Variants in DMD observed in about 807,000 individuals in gnomAD.
DMD encodes dystrophin, also known as mutant dystrophin.
A neutral mutation model predicts 330.1 loss-of-function variants in DMD; 63 were observed. That is an observed-to-expected ratio of 0.19 (90% confidence interval 0.16 to 0.24). DMD has a LOEUF of 0.24. DMD is among the 10% of genes least tolerant of loss of function. The probability of loss-of-function intolerance (pLI) is 1.00; values close to 1 mark genes in which losing one functional copy is unlikely to be tolerated. For missense variants in DMD, 3,344 were observed against 2,684.1 expected, an observed-to-expected ratio of 1.25 and a Z score of -5.43; for synonymous variants, 1,223 against 959.8, an observed-to-expected ratio of 1.27 and a Z score of -5.07.
intron 63 of DMD, among the ~76,000 whole-genome samples, chrX:31,255,681 A>T (rs1384318936): frequency 9.0e-6 from 1 of 110,601 alleles, no homozygotes; most frequent in Non-Finnish European, 1.9e-5. Flanking sequence ...AAAAATAATG[A>T]TCACAGCAAG....
At chrX:31,886,927 A>T (rs1685722606) in intron 47 of DMD, among the ~76,000 whole-genome samples, 1 of 112,113 alleles carries the variant, frequency 8.9e-6, no homozygotes, top group Non-Finnish European at 1.9e-5. Context: ...AGGTTTATGT[A>T]TGTAGTGCCT....
chrX:32,469,702 C>T (rs2040419474), intron 22 of DMD, among the ~76,000 whole-genome samples: 1 of 111,117 alleles, frequency 9.0e-6, no homozygotes, highest in South Asian at 3.7e-4. Context: ...TGAGCATTTG[C>T]CCATGTCAAA....
At chrX:32,917,536 GC>G (rs2087943777) in intron 2 of DMD, among the ~76,000 whole-genome samples, 2 of 111,612 alleles carry the variant, frequency 1.8e-5, no homozygotes, top group Non-Finnish European at 3.8e-5. Context: ...CTAAGGCTAT[GC>G]TTTTTCAACT....
chrX:31,947,306 T>C (rs2095100572), intron 45 of DMD, among the ~76,000 whole-genome samples: 1 of 111,694 alleles, frequency 9.0e-6, no homozygotes, highest in Non-Finnish European at 1.9e-5. Flanking sequence ...TTTAATTTTA[T>C]GTAGAGATGG....
chrX:32,991,510 G>A (rs757608392), intron 2 of DMD, among the ~76,000 whole-genome samples: 2 of 112,006 alleles, frequency 1.8e-5, no homozygotes, highest in East Asian at 2.8e-4. Context: ...AATGTAGCTA[G>A]CAAAATGGAG....
At chrX:32,699,737 A>G (rs748199109) in intron 7 of DMD, among the ~76,000 whole-genome samples, 1 of 112,085 alleles carries the variant, frequency 8.9e-6, no homozygotes, top group South Asian at 3.7e-4. Flanking sequence ...GAAACCTGAT[A>G]CCTTTTAACT....
At chrX:31,561,620 T>A (rs1170750400) in intron 55 of DMD, among the ~76,000 whole-genome samples, 1 of 112,071 alleles carries the variant, frequency 8.9e-6, no homozygotes, top group Non-Finnish European at 1.9e-5. Flanking sequence ...CTAAATATAT[T>A]AAGGTAGGCA....
chrX:31,354,331 A>ATCCCTGAC (rs1273708300), intron 60 of DMD, among the ~76,000 whole-genome samples: 9 of 110,972 alleles, frequency 8.1e-5, no homozygotes, highest in Non-Finnish European at 1.9e-5. Flanking sequence ...CTTTTTCAAG[A>ATCCCTGAC]TCCCTGACAC....
intron 48 of DMD, among the ~76,000 whole-genome samples, chrX:31,871,644 G>GTGGC (rs1177295536): frequency 9.1e-6 from 1 of 109,774 alleles, no homozygotes; most frequent in African/African-American, 3.3e-5. Flanking sequence ...AGCTAGGGGC[G>GTGGC]TGGCTGTTCG....
chrX:32,995,785 T>TACCCCCAGAACAATGCTTG (rs1275342885), intron 2 of DMD, among the ~76,000 whole-genome samples: 1 of 111,873 alleles, frequency 8.9e-6, no homozygotes, highest in Non-Finnish European at 1.9e-5. Context: ...AGCATTTTAG[T>TACCCCCAGAACAATGCTTG]ACCCCCAGAA....
chrX:31,476,418 T>TACAC (rs1569545943), intron 59 of DMD, among the ~76,000 whole-genome samples: 1 of 96,544 alleles, frequency 1.0e-5, no homozygotes, highest in Non-Finnish European at 2.0e-5. Context: ...TATATATATA[T>TACAC]ATACACACAC....
At chrX:31,234,201 T>A (rs1377072395) in intron 63 of DMD, among the ~76,000 whole-genome samples, 1 of 111,991 alleles carries the variant, frequency 8.9e-6, no homozygotes, top group Non-Finnish European at 1.9e-5. Context: ...ACCACTCCCT[T>A]GTTCTCCCAA....
intron 48 of DMD, among the ~76,000 whole-genome samples, chrX:31,850,907 C>T (rs1388532333): frequency 1.8e-5 from 2 of 112,202 alleles, no homozygotes; most frequent in East Asian, 2.8e-4. Flanking sequence ...GTGCCCTGGT[C>T]GCATATATTG....
intron 49 of DMD, among the ~76,000 whole-genome samples, chrX:31,832,992 G>C (rs1293112438): frequency 9.0e-6 from 1 of 111,010 alleles, no homozygotes; most frequent in African/African-American, 3.3e-5. Context: ...TTCTTTTGTA[G>C]TTTATATTGT....
At chrX:33,076,667 C>G (rs891864396) in intron 1 of DMD, among the ~76,000 whole-genome samples, 1 of 111,890 alleles carries the variant, frequency 8.9e-6, no homozygotes, top group Non-Finnish European at 1.9e-5. Context: ...TTACTAGAAG[C>G]TAAGGCTTTT....
At chrX:31,155,830 T>C (rs1385765581) in intron 74 of DMD, among the ~76,000 whole-genome samples, 6 of 109,416 alleles carry the variant, frequency 5.5e-5, no homozygotes, top group Non-Finnish European at 1.1e-4. Context: ...TACAAAAAAA[T>C]TGAAAAAAAT....
chrX:32,831,518 C>T (rs1230617238), intron 4 of DMD, among the ~76,000 whole-genome samples: 1 of 110,124 alleles, frequency 9.1e-6, no homozygotes, highest in African/African-American at 3.3e-5. Context: ...GAATGAGGGG[C>T]ATGTAACTTG....
intron 41 of DMD, among the ~76,000 whole-genome samples, chrX:32,317,086 T>G (rs907960803): frequency 1.8e-5 from 2 of 111,393 alleles, no homozygotes; most frequent in Non-Finnish European, 3.8e-5. Flanking sequence ...CCGTCTAACC[T>G]TTTGAAAATC....
At chrX:32,619,363 T>A (rs1222399389) in intron 11 of DMD, among the ~76,000 whole-genome samples, 1 of 111,113 alleles carries the variant, frequency 9.0e-6, no homozygotes, top group Non-Finnish European at 1.9e-5. Context: ...ATAGTCACAG[T>A]CAAAATATTC....
Sources: allele counts gnomAD v4.1 joint callset (sites outside exome capture counted in the v4.1 genomes callset), GRCh38; gene constraint gnomAD v4.1.1; transcripts MANE v1.5; gene names NCBI Gene and HGNC (gene_info 2026-07-23, HGNC 2026-07-21).